The following INO80E variants were observed in gnomAD, a reference collection of about 807,000 sequenced individuals.
The protein encoded by INO80E is coiled-coil domain containing 95.
INO80E carries 20 observed loss-of-function variants against 27.3 expected under a neutral mutation model. The ratio of observed to expected loss-of-function variants is 0.73; its 90% CI spans 0.51 to 1.06. The LOEUF is 1.06. Among genes scored for constraint, INO80E ranks in the 50% least tolerant of loss-of-function variants. INO80E has a pLI of 0.00. For missense variants in INO80E, 357 were observed against 322.8 expected (o/e 1.11, Z -0.81); for synonymous variants, 167 against 145.9 (o/e 1.14, Z -1.04).
At chr16:30,000,151 ATCCT>A (rs1486752282) in intron 3 of INO80E, among the ~76,000 whole-genome samples, 1 of 152,016 alleles carries the variant, frequency 6.6e-6, no homozygotes, top group Admixed American at 6.6e-5. Context: ...TGCCCTTCCC[ATCCT>A]TCCTTGGATC....
chr16:29,996,501 T>C, intron 1 of INO80E, 46 bp from the exon 2 acceptor site: 1 of 1,552,784 alleles, frequency 6.4e-7, no homozygotes, highest in South Asian at 1.2e-5. Context: ...TCCGGGGCCC[T>C]TCACGGAGGA....
intron 5 of INO80E, 43 bp from the exon 6 acceptor site, chr16:30,001,371 G>T (rs760894210): frequency 3.9e-6 from 6 of 1,544,316 alleles, no homozygotes; most frequent in Non-Finnish European, 5.3e-6. Flanking sequence ...CCCTCACCCC[G>T]GTCCATTCCG....
In INO80E at chr16:29,997,135, G is replaced by A. The variant is rs1022466549; in HGVS notation, c.205+275G>A. Reference sequence around the variant, plus strand: ...TTTATATTCTAGTTGGGAAGAATAAGTAAATGAAGACAATAGACTAGAATT... The same window carrying A: ...TTTATATTCTAGTTGGGAAGAATAAATAAATGAAGACAATAGACTAGAATT... On this transcript the variant is annotated intron_variant, in intron 3 of 6. Transcript: ENST00000563197. Among the ~76,000 whole-genome samples the A allele has an allele frequency of 2.6e-5, 4 of 152,238 alleles. No homozygotes were observed. The East Asian group carries it at 7.7e-4, about 29-fold the overall frequency.
intron 6 of INO80E, chr16:30,001,842 C>A: frequency 2.8e-6 from 1 of 361,412 alleles, no homozygotes; most frequent in Non-Finnish European, 5.1e-6. Context: ...AGCCCCAGAC[C>A]GGGTCAGGAT....
intron 6 of INO80E, 63 bp downstream of exon 6, chr16:30,001,593 G>C: frequency 2.7e-6 from 4 of 1,490,670 alleles, no homozygotes; most frequent in Non-Finnish European, 3.7e-6. Flanking sequence ...CCTGAGGGAG[G>C]CTGAAGGCGG....
chr16:29,997,167 C>T (rs575002211), intron 3 of INO80E, among the ~76,000 whole-genome samples: 23 of 152,266 alleles, frequency 1.5e-4, no homozygotes, highest in East Asian at 1.3e-3. Context: ...AATTTTAGGT[C>T]ATAGGAAGGA....
At chr16:30,001,247 C>G (rs1299815795) in intron 5 of INO80E, 167 bp from the exon 6 acceptor site, 3 of 1,494,998 alleles carry the variant, frequency 2.0e-6, no homozygotes, top group Admixed American at 4.4e-5. Context: ...GAGCAAAGCC[C>G]AGGACAGCAT....
rs770105776 is a variant in INO80E, at chr16:30,001,541, G to A, written c.513+11G>A. 6.2e-6 allele frequency: 10 copies of A among 1,609,990 alleles called. No individual in the cohort carries two copies. Among genetic ancestry groups the A allele is most frequent in the South Asian group, 3.3e-5 (3 of 90,380 alleles). ...CCCCGGAAACTCAAGGTACCCTGAC[G>A]TGGGGGTGCTAGGGAGGGGCAGGAC... On this transcript the variant is annotated intron_variant, in intron 6 of 6. Transcript: ENST00000563197.
At chr16:30,000,651 C>A in intron 3 of INO80E, 107 bp from the exon 4 acceptor site, 1 of 864,072 alleles carries the variant, frequency 1.2e-6, no homozygotes, top group Non-Finnish European at 1.8e-6. Context: ...AGGCGTGAGC[C>A]CCCGCACCTG....
At chr16:29,999,171 A>G (rs2070253798) in intron 3 of INO80E, 1 of 152,198 alleles carries the variant, frequency 6.6e-6, no homozygotes, top group Non-Finnish European at 1.5e-5. Flanking sequence ...AGGATTGTAG[A>G]TAAGGTTGGG....
chr16:29,996,792 C>T lies in INO80E; in HGVS notation c.153-16C>T, dbSNP rs2070137621. On this transcript the variant is annotated splice_polypyrimidine_tract_variant and intron_variant, in intron 2 of 6. Coordinates refer to ENST00000563197, the MANE Select transcript of INO80E (RefSeq NM_173618.3). ...CGCTGGAAAATCACTGTCCGTGTCT[C>T]CTTCCCTCCCCTCAGTTTCCTCCTA... 6.2e-7 allele frequency: 1 copy of T among 1,613,894 alleles called. No individual in the cohort carries two copies. The highest frequency in any genetic ancestry group is 8.5e-7 in the Non-Finnish European group (1 of 1,179,778).
rs2070109429 is a variant in INO80E at position 29,996,343 on chromosome 16, C to A, written c.33C>A (p.Tyr11Ter). Residue 11 changes from tyrosine (Y) to a stop codon, truncating the protein, a stop_gained, in exon 1 of 7, where the codon TAC becomes TAA. Transcript: ENST00000563197. LOFTEE classifies it high-confidence loss of function. ...GGCCGGCGGACGGCGAAGTGGACTA[C>A]AAAAAAAAATACCGGAATCTGAAGC... MNGPADGEVD[Y>*]KKKYRNLKRK... 6.3e-7 allele frequency: 1 copy of A among 1,586,356 alleles called. No individual in the cohort carries two copies. The highest frequency in any genetic ancestry group is 2.3e-5 in the East Asian group (1 of 43,940).
rs537229802 is a variant in INO80E, at chr16:30,005,490, C to T, written c.*48C>T. ...CCACGGCCCCGCCCGGCGCCCTCCC[C>T]GTGCCAGCACACACGAGTCCAGCTT... On this transcript the variant is annotated 3_prime_UTR_variant, in exon 7 of 7. Transcript: ENST00000563197. The T allele has an allele frequency of 1.1e-4, 174 of 1,520,618 alleles. No individual in the cohort carries two copies. The East Asian group carries it at 2.6e-3, about 23-fold the overall frequency. 94.2% of individuals were successfully genotyped at this position (1,520,618 alleles called of 1,614,324 possible).
chr16:29,996,249 C>G lies in INO80E; in HGVS notation c.-62C>G. On this transcript the variant is annotated 5_prime_UTR_variant, in exon 1 of 7. Coordinates refer to ENST00000563197, the MANE Select transcript of INO80E (RefSeq NM_173618.3). ...TCTCCGGAAGTGGAGGCGGGAGCGG[C>G]ACGGCAGCCACTGCTTGGGGTAGCG... 7 of 1,483,572 alleles carry G rather than the reference C, an allele frequency of 4.7e-6. No individual in the cohort carries two copies. Among genetic ancestry groups the G allele is most frequent in the Non-Finnish European group, 5.5e-6 (6 of 1,087,162 alleles). The allele number at this position is 1,483,572 out of a possible 1,614,324, so 91.9% of individuals were successfully genotyped here.
Position 29,996,827 on chromosome 16 carries a change from C to G in INO80E, c.172C>G (p.Leu58Val). ...RDKSFLLDRL[L>V]QYENVDEDSS... ...CCTCAGTTTCCTCCTAGACCGACTT[C>G]TGCAGTACGAGAACGTGGATGAAGA... Residue 58 changes from leucine to valine, a missense_variant, in exon 3 of 7, where the codon CTG becomes GTG. Coordinates refer to ENST00000563197, the MANE Select transcript of INO80E (RefSeq NM_173618.3). 6.2e-7 allele frequency: 1 copy of G among 1,614,200 alleles called. No individual in the cohort carries two copies. The highest frequency in any genetic ancestry group is 1.6e-4 in the Middle Eastern group (1 of 6,062).
At position 30,005,307 on chromosome 16, in the gene INO80E, GACCCCCCTCCCACCCCCTAAGAT is replaced by G; in HGVS notation, c.601_623del (p.Thr201AlafsTer19). 6 of 1,385,790 alleles carry G rather than the reference GACCCCCCTCCCACCCCCTAAGAT, an allele frequency of 4.3e-6. No homozygotes were observed. The highest frequency in any genetic ancestry group is 5.6e-6 in the Non-Finnish European group (6 of 1,067,168). 85.8% of individuals were successfully genotyped at this position (1,385,790 alleles called of 1,614,324 possible). A position where few individuals can be genotyped will look rare whatever the true frequency, so the allele number is the denominator to read the frequency against. On this transcript the variant is annotated frameshift_variant, in exon 7 of 7. Transcript: ENST00000563197. LOFTEE classifies it high-confidence loss of function. ...CTGGGGCTGGGGTCGGGACAACCCTGACCCCCCTCCCACCCCCTAAGATGCCCCCCCCCACGATCCTGAGCACG... is the reference window on the plus strand; with the variant it reads ...CTGGGGCTGGGGTCGGGACAACCCTGGCCCCCCCCCACGATCCTGAGCACG...
At position 30,005,215 on chromosome 16, in the gene INO80E, C is replaced by A; in HGVS notation, c.514-6C>A. ...AGTCCCCCTGTGTTTCTTCCCCCTG[C>A]TGCAGATGGCGGTGGGACCCCCCGA... is the stretch of plus-strand genomic sequence containing the variant. On this transcript the variant is annotated splice_region_variant and splice_polypyrimidine_tract_variant and intron_variant, in intron 6 of 6. Coordinates refer to ENST00000563197, the MANE Select transcript of INO80E (RefSeq NM_173618.3). The A allele has an allele frequency of 6.9e-7, 1 of 1,441,154 alleles. No individual in the cohort carries two copies. The highest frequency in any genetic ancestry group is 2.8e-5 in the East Asian group (1 of 35,438). The allele number at this position is 1,441,154 out of a possible 1,614,324, so 89.3% of individuals were successfully genotyped here. A position where few individuals can be genotyped will look rare whatever the true frequency, so the allele number is the denominator to read the frequency against.
intron 3 of INO80E, 140 bp downstream of exon 3, chr16:29,997,000 C>T: frequency 2.6e-6 from 2 of 772,974 alleles, no homozygotes; most frequent in South Asian, 1.5e-5. Context: ...TCCACCTCCA[C>T]CGTTCTTTCA....
At position 30,005,307 on chromosome 16, in the gene INO80E, G is replaced by GGGGC; in HGVS notation, c.600_601insGGGC (p.Thr201GlyfsTer8). ...CTGGGGCTGGGGTCGGGACAACCCT[G>GGGGC]ACCCCCCTCCCACCCCCTAAGATGC... is the stretch of plus-strand genomic sequence containing the variant. On this transcript the variant is annotated frameshift_variant, in exon 7 of 7. Transcript: ENST00000563197. LOFTEE classifies it high-confidence loss of function. 2.2e-6 allele frequency: 3 copies of GGGGC among 1,387,142 alleles called. No individual in the cohort carries two copies. The highest frequency in any genetic ancestry group is 2.8e-6 in the Non-Finnish European group (3 of 1,068,412). 85.9% of individuals were successfully genotyped at this position (1,387,142 alleles called of 1,614,324 possible).
Sources: allele counts gnomAD v4.1 joint callset (sites outside exome capture counted in the v4.1 genomes callset), GRCh38; gene constraint gnomAD v4.1.1; transcripts MANE v1.5; gene names NCBI Gene and HGNC (gene_info 2026-07-23, HGNC 2026-07-21).